The following NLRP4 variants were observed in gnomAD, a reference collection of about 807,000 sequenced individuals.
NLRP4 encodes NLR family pyrin domain containing 4, also known as NACHT, LRR and PYD domains-containing protein 4.
NLRP4 carries 44 observed loss-of-function variants against 84.7 expected under a neutral mutation model. The ratio of observed to expected loss-of-function variants is 0.52; its 90% CI spans 0.41 to 0.67. The LOEUF (loss-of-function observed/expected upper bound fraction) is 0.67, where lower values mean the gene tolerates loss of function less well. NLRP4 is among the 30% of genes least tolerant of loss of function. NLRP4 has a pLI of 0.00. For missense variants in NLRP4, 1,260 were observed against 1,219.4 expected, an observed-to-expected ratio of 1.03 and a Z score of -0.50; for synonymous variants, 544 against 476.4, an observed-to-expected ratio of 1.14 and a Z score of -1.85.
At chr19:55,840,355 T>TGTGTGC (rs1555806412) in intron 1 of NLRP4, among the ~76,000 whole-genome samples, 1 of 150,338 alleles carries the variant, frequency 6.7e-6, no homozygotes, top group African/African-American at 2.5e-5. Flanking sequence ...TGTGTGTGTG[T>TGTGTGC]GTGTGTGTGT....
At chr19:55,868,690 T>C (rs1262397406) in intron 6 of NLRP4, among the ~76,000 whole-genome samples, 3 of 151,910 alleles carry the variant, frequency 2.0e-5, no homozygotes, top group African/African-American at 7.3e-5. Flanking sequence ...TTAGTAGAGA[T>C]GGGGTTTCTC....
At chr19:55,852,416 T>A in intron 2 of NLRP4, 56 bp downstream of exon 2, 1 of 1,186,094 alleles carries the variant, frequency 8.4e-7, no homozygotes, top group Non-Finnish European at 1.2e-6. Flanking sequence ...TGTCCTAATT[T>A]TGGTGAGTGG....
intron 1 of NLRP4, among the ~76,000 whole-genome samples, chr19:55,843,515 A>C (rs1443295367): frequency 6.6e-6 from 1 of 151,876 alleles, no homozygotes; most frequent in Non-Finnish European, 1.5e-5. Flanking sequence ...ACATGGTGAA[A>C]CCCTGTCTCT....
intron 5 of NLRP4, among the ~76,000 whole-genome samples, chr19:55,864,030 C>T (rs1469297835): frequency 6.6e-6 from 1 of 152,164 alleles, no homozygotes; most frequent in Admixed American, 6.5e-5. Flanking sequence ...GTGATATCCA[C>T]ATACCACAAA....
chr19:55,840,313 GGTGT>G (rs1054846205), intron 1 of NLRP4, among the ~76,000 whole-genome samples: 2 of 151,148 alleles, frequency 1.3e-5, no homozygotes, highest in African/African-American at 4.9e-5. Flanking sequence ...CATTGTCGGG[GGTGT>G]GTGTGTATAG....
chr19:55,869,637 A>G (rs1023673382), intron 6 of NLRP4, among the ~76,000 whole-genome samples: 8 of 152,212 alleles, frequency 5.3e-5, no homozygotes, highest in Non-Finnish European at 7.3e-5. Flanking sequence ...ATGGTTATAT[A>G]TTGCCAACTG....
At position 55,877,162 on chromosome 19, in the gene NLRP4, C is replaced by A. The variant is rs775968159; in HGVS notation, c.2692C>A (p.Leu898Ile). The change falls in exon 8 of 10, where the codon CTT (leucine) becomes ATT (isoleucine). Residue 898 changes from leucine (L) to isoleucine (I), a missense_variant. Transcript: ENST00000301295. Reference protein sequence around the residue: ...LTHTDCRLEILGLEECGLTST... With the variant: ...LTHTDCRLEIIGLEECGLTST... ...GCATACGGATTGCCGCTTAGAGATT[C>A]TTGGGTGGGTATCGCCAAGCTCCTG... 2 of 1,613,086 alleles carry A rather than the reference C, an allele frequency of 1.2e-6. No homozygotes were observed. The highest frequency in any genetic ancestry group is 1.7e-6 in the Non-Finnish European group (2 of 1,179,336).
At chr19:55,853,791 TTCTC>T (rs746686465) in intron 2 of NLRP4, among the ~76,000 whole-genome samples, 10 of 124,588 alleles carry the variant, frequency 8.0e-5, no homozygotes, top group African/African-American at 2.2e-4. Flanking sequence ...CTGTCTCTCT[TTCTC>T]TCTCTCTCTC....
At position 55,844,177 on chromosome 19, in the gene NLRP4, A is replaced by G. The variant is rs540069647; in HGVS notation, c.-66+7243A>G. Among the ~76,000 whole-genome samples the G allele has an allele frequency of 4.6e-5, 7 of 152,206 alleles. No individual in the cohort carries two copies. The East Asian group carries it at 1.4e-3, about 29-fold the overall frequency. ...AGGGAGAATCAGTTTATTCCTCTCT[A>G]TTAACTTCTACTTGCTTTAGGTGTG... On this transcript the variant is annotated intron_variant, in intron 1 of 9. Transcript: ENST00000301295.
In NLRP4 at chr19:55,881,615, A is replaced by AC. The variant is rs1985595083; in HGVS notation, c.*29dup. 4 of 1,086,350 alleles carry AC rather than the reference A, an allele frequency of 3.7e-6. No individual in the cohort carries two copies. The highest frequency in any genetic ancestry group is 1.8e-5 in the Admixed American group (1 of 55,896). The allele number at this position is 1,086,350 out of a possible 1,614,324, so 67.3% of individuals were successfully genotyped here. A position where few individuals can be genotyped will look rare whatever the true frequency, so the allele number is the denominator to read the frequency against. On this transcript the variant is annotated 3_prime_UTR_variant, in exon 10 of 10. Coordinates refer to ENST00000301295, the MANE Select transcript of NLRP4 (RefSeq NM_134444.5). Reference sequence around the variant, plus strand: ...GCGAGGAACCTGGGCTCTGACTCGAACACCTGCAAAGGACAGGGACTGGGA... The same window carrying AC: ...GCGAGGAACCTGGGCTCTGACTCGAACCACCTGCAAAGGACAGGGACTGGGA...
intron 2 of NLRP4, among the ~76,000 whole-genome samples, chr19:55,852,823 G>C (rs1984223602): frequency 6.6e-6 from 1 of 152,120 alleles, no homozygotes; most frequent in African/African-American, 2.4e-5. Flanking sequence ...TAGACGTGGT[G>C]GTTACATGTG....
At chr19:55,852,549 T>C (rs1984209609) in intron 2 of NLRP4, among the ~76,000 whole-genome samples, 189 bp downstream of exon 2, 1 of 150,066 alleles carries the variant, frequency 6.7e-6, no homozygotes, top group Non-Finnish European at 1.5e-5. Context: ...TGATCTTGGC[T>C]CACCGCAACC....
chr19:55,840,376 G>GTA (rs1555806419), intron 1 of NLRP4, among the ~76,000 whole-genome samples: 1 of 145,154 alleles, frequency 6.9e-6, no homozygotes, highest in African/African-American at 2.5e-5. Flanking sequence ...GTGTGTGTGT[G>GTA]TATACATATT....
In NLRP4 at chr19:55,862,012, C is replaced by T. The variant is rs770640711; in HGVS notation, c.2039C>T (p.Ser680Phe). Residue 680 changes from serine to phenylalanine, a missense_variant, in exon 5 of 10, where the codon TCT (serine) becomes TTT (phenylalanine). Coordinates refer to ENST00000301295, the MANE Select transcript of NLRP4 (RefSeq NM_134444.5). The stretch of plus-strand genomic sequence containing the variant: ...TGCAGAATAAATAACGTTTCCTTTT[C>T]TGGCCAGAGTGTTCTGCTCTTTGAG... ...QKLGINNVSF[S>F]GQSVLLFEVL... 7.4e-6 allele frequency: 12 copies of T among 1,613,620 alleles called. No individual in the cohort carries two copies. The highest frequency in any genetic ancestry group is 1.0e-5 in the Non-Finnish European group (12 of 1,179,714).
chr19:55,865,826 A>T (rs1206618067), intron 5 of NLRP4, among the ~76,000 whole-genome samples: 1 of 152,150 alleles, frequency 6.6e-6, no homozygotes, highest in Non-Finnish European at 1.5e-5. Context: ...ATTACAAGTT[A>T]TATACGAGAC....
rs1482614199 is a variant in NLRP4, at chr19:55,851,997, T to G, written c.-65-19T>G. 1 of 987,426 alleles carries G rather than the reference T, an allele frequency of 1.0e-6. No individual in the cohort carries two copies. The highest frequency in any genetic ancestry group is 1.6e-6 in the Non-Finnish European group (1 of 641,128). The allele number at this position is 987,426 out of a possible 1,614,324, so 61.2% of individuals were successfully genotyped here. ...CCATTTATTTGTAATAACTTGGCAC[T>G]GTCCTGAATTTTCTACAGGTTTTAT... On this transcript the variant is annotated intron_variant, in intron 1 of 9. Transcript: ENST00000301295.
chr19:55,879,107 C>T (rs990975100), intron 9 of NLRP4, 143 bp downstream of exon 9: 4 of 619,928 alleles, frequency 6.5e-6, no homozygotes, highest in African/African-American at 5.5e-5. Context: ...AAGAACCAAG[C>T]AGGTGAGTAT....
chr19:55,846,352 G>A (rs542043777), intron 1 of NLRP4, among the ~76,000 whole-genome samples: 283 of 152,118 alleles, frequency 1.9e-3, no homozygotes, highest in African/African-American at 6.6e-3. Context: ...CATTATTTCC[G>A]AGGGCTCTGT....
intron 1 of NLRP4, among the ~76,000 whole-genome samples, chr19:55,841,847 A>G (rs531051665): frequency 2.4e-4 from 37 of 152,314 alleles, no homozygotes; most frequent in African/African-American, 7.7e-4. Context: ...CCTGGGTGAT[A>G]GTGCGAGACT....
Sources: gnomAD v4.1 joint callset for allele counts (sites outside exome capture counted in the v4.1 genomes callset) on GRCh38, gnomAD v4.1.1 for gene constraint, MANE v1.5 for transcripts, NCBI Gene and HGNC (gene_info 2026-07-23, HGNC 2026-07-21) for gene names.